CDH2: variants seen among roughly 807,000 people sequenced by gnomAD.
CDH2 encodes the protein cadherin-2.
CDH2 carries 17 observed loss-of-function variants against 92.0 expected under a neutral mutation model. The ratio of observed to expected loss-of-function variants is 0.18; its 90% CI spans 0.13 to 0.28. The LOEUF (loss-of-function observed/expected upper bound fraction) is 0.28, where lower values mean the gene tolerates loss of function less well. Among genes scored for constraint, CDH2 ranks in the 10% least tolerant of loss-of-function variants. CDH2 has a pLI of 1.00. For synonymous variants in CDH2, 419 were observed against 415.9 expected (o/e 1.01, Z -0.09); for missense variants, 862 against 1,133.1 (o/e 0.76, Z 3.44).
chr18:28,158,499 G>A (rs1454893483), intron 1 of CDH2, among the ~76,000 whole-genome samples: 1 of 152,176 alleles, frequency 6.6e-6, no homozygotes, highest in Admixed American at 6.5e-5. Flanking sequence ...ACCCATAGAG[G>A]AAATGCTTCT....
chr18:28,143,051 A>G (rs1411065477), intron 2 of CDH2, among the ~76,000 whole-genome samples: 3 of 152,082 alleles, frequency 2.0e-5, no homozygotes, highest in African/African-American at 4.8e-5. Context: ...CAGTAAGCAC[A>G]CTAATCTAAA....
At chr18:27,997,582 A>G (rs529273027) in intron 7 of CDH2, among the ~76,000 whole-genome samples, 2 of 152,300 alleles carry the variant, frequency 1.3e-5, no homozygotes, top group South Asian at 4.1e-4. Flanking sequence ...CTTGATGACT[A>G]AACAGATTGC....
intron 2 of CDH2, among the ~76,000 whole-genome samples, chr18:28,135,217 T>A (rs1173153881): frequency 3.3e-5 from 5 of 152,206 alleles, no homozygotes; most frequent in Admixed American, 6.5e-5. Context: ...AATACATTTA[T>A]AAATAACCAA....
Position 28,013,860 on chromosome 18 carries a change from A to G in CDH2, c.222T>C (p.Ser74=), listed in dbSNP as rs1329874035. ...CATCCACCTTAAAATCTGCAGGCTC[A>G]CTGCTCTCATATTGTACTTTTCTTT... ...NGKRKVQYES[S]EPADFKVDED... is the part of the protein sequence containing the mutation. Residue 74 remains serine, a synonymous_variant, in exon 3 of 16, where the codon AGT becomes AGC. Transcript: ENST00000269141. 1 of 1,613,806 alleles carries G rather than the reference A, an allele frequency of 6.2e-7. No homozygotes were observed. Among genetic ancestry groups the G allele is most frequent in the African/African-American group, 1.3e-5 (1 of 74,910 alleles).
intron 1 of CDH2, among the ~76,000 whole-genome samples, chr18:28,166,165 T>TATATATATATATATATATATAC (rs1287861366): frequency 1.4e-5 from 2 of 138,094 alleles, no homozygotes; most frequent in Non-Finnish European, 3.2e-5. Flanking sequence ...TATATATATA[T>TATATATATATATATATATATAC]ATATATATGT....
At chr18:28,151,779 T>C (rs1384143263) in intron 1 of CDH2, among the ~76,000 whole-genome samples, 1 of 152,204 alleles carries the variant, frequency 6.6e-6, no homozygotes, top group East Asian at 1.9e-4. Flanking sequence ...TTCCCTAATA[T>C]TTGAATGGTG....
At chr18:27,973,735 A>G (rs915709358) in intron 14 of CDH2, among the ~76,000 whole-genome samples, 2 of 152,150 alleles carry the variant, frequency 1.3e-5, no homozygotes, top group Admixed American at 1.3e-4. Flanking sequence ...ACTGAAGGTT[A>G]TTTCCCAGGG....
intron 1 of CDH2, among the ~76,000 whole-genome samples, chr18:28,150,106 G>A (rs1407096428): frequency 6.6e-6 from 1 of 152,154 alleles, no homozygotes; most frequent in Non-Finnish European, 1.5e-5. Context: ...ATATAAAATG[G>A]ACAAATGTGT....
At chr18:28,024,250 T>C (rs1369310133) in intron 2 of CDH2, among the ~76,000 whole-genome samples, 1 of 152,090 alleles carries the variant, frequency 6.6e-6, no homozygotes, top group African/African-American at 2.4e-5. Flanking sequence ...AAGAGAATCA[T>C]CATTATATTG....
intron 1 of CDH2, among the ~76,000 whole-genome samples, chr18:28,175,464 G>C (rs1225273023): frequency 1.3e-5 from 2 of 152,236 alleles, no homozygotes; most frequent in African/African-American, 2.4e-5. Context: ...CCCGGGAGGA[G>C]AGCGTGGAGC....
chr18:27,972,227 G>A (rs2011682761), intron 14 of CDH2, among the ~76,000 whole-genome samples: 1 of 152,016 alleles, frequency 6.6e-6, no homozygotes, highest in Non-Finnish European at 1.5e-5. Context: ...ATGTCAAAAT[G>A]GGTCCAATTC....
intron 2 of CDH2, among the ~76,000 whole-genome samples, chr18:28,116,633 CA>C (rs2015500341): frequency 6.6e-6 from 1 of 152,066 alleles, no homozygotes; most frequent in African/African-American, 2.4e-5. Flanking sequence ...CAGATGATAC[CA>C]AAGGTCACTG....
At chr18:27,986,512 C>G (rs2012239189) in intron 11 of CDH2, among the ~76,000 whole-genome samples, 1 of 152,158 alleles carries the variant, frequency 6.6e-6, no homozygotes. Context: ...GTCTCCACCA[C>G]TTTGTGTGAT....
At chr18:28,174,265 A>C (rs1598527587) in intron 1 of CDH2, among the ~76,000 whole-genome samples, 1 of 152,122 alleles carries the variant, frequency 6.6e-6, no homozygotes, top group South Asian at 2.1e-4. Context: ...GAAAAAAAAA[A>C]CCTAGACTGT....
chr18:28,090,554 C>A (rs602819), intron 2 of CDH2, among the ~76,000 whole-genome samples: 81,692 of 151,904 alleles, frequency 0.54, 22,744 homozygotes, highest in African/African-American at 0.69. Flanking sequence ...GTTACCCATA[C>A]CCTTCCCTCC....
intron 2 of CDH2, among the ~76,000 whole-genome samples, chr18:28,107,739 C>T (rs892953792): frequency 2.6e-5 from 4 of 151,856 alleles, no homozygotes; most frequent in African/African-American, 9.7e-5. Context: ...GTATGTTTTC[C>T]TTTGGGGACA....
intron 6 of CDH2, among the ~76,000 whole-genome samples, chr18:27,945,307 C>T (rs1380580391): frequency 7.8e-6 from 1 of 128,046 alleles, no homozygotes; most frequent in Non-Finnish European, 1.6e-5. Flanking sequence ...TCAACTGATA[C>T]TTTCCAGGAA....
intron 5 of CDH2, among the ~76,000 whole-genome samples, chr18:28,006,655 T>G (rs188999800): frequency 6.7e-6 from 1 of 148,416 alleles, no homozygotes; most frequent in African/African-American, 2.5e-5. Context: ...GAACCCGAGG[T>G]TGCAGTGAGC....
At chr18:28,046,501 G>T (rs2014079617) in intron 2 of CDH2, among the ~76,000 whole-genome samples, 1 of 151,980 alleles carries the variant, frequency 6.6e-6, no homozygotes, top group South Asian at 2.1e-4. Flanking sequence ...GCTTTGGGTG[G>T]GAAAGAATAT....
Sources: allele counts gnomAD v4.1 joint callset (sites outside exome capture counted in the v4.1 genomes callset), GRCh38; gene constraint gnomAD v4.1.1; transcripts MANE v1.5; gene names NCBI Gene and HGNC (gene_info 2026-07-23, HGNC 2026-07-21).